Variants in LPAR6 observed in about 807,000 individuals in gnomAD.
LPAR6 encodes G-protein coupled purinergic receptor P2Y5.
In LPAR6, 17 loss-of-function variants were observed where a neutral mutation model predicts 22.0. The ratio of observed to expected loss-of-function variants is 0.77; its 90% confidence interval spans 0.53 to 1.16. LPAR6 has a LOEUF of 1.16. Among genes scored for constraint, LPAR6 ranks in the 50% most tolerant of loss-of-function variants. LPAR6 has a pLI of 0.00. For synonymous variants in LPAR6, 136 were observed against 139.8 expected (o/e 0.97, Z 0.19); for missense variants, 384 against 406.9 (o/e 0.94, Z 0.48).
chr13:48,435,637 C>T (rs1949175708), intron 1 of LPAR6, among the ~76,000 whole-genome samples: 1 of 152,036 alleles, frequency 6.6e-6, no homozygotes, highest in Non-Finnish European at 1.5e-5. Context: ...CTAAGAACTC[C>T]AGATCCTGAA....
chr13:48,409,166 TGAGATAGGATCTTGCTCTG>T (rs1948766984), downstream of LPAR6, among the ~76,000 whole-genome samples: 1 of 150,466 alleles, frequency 6.6e-6, no homozygotes. Context: ...TTTTTTTTTT[TGAGATAGGATCTTGCTCTG>T]TTGTCCATGC....
intron 1 of LPAR6, chr13:48,426,819 G>A (rs900132024): frequency 1.3e-5 from 2 of 152,170 alleles, no homozygotes; most frequent in Non-Finnish European, 2.9e-5. Context: ...CCTGAGACTG[G>A]GTAATTTGTA....
intron 2 of LPAR6, among the ~76,000 whole-genome samples, chr13:48,421,088 C>CA (rs1254546274): frequency 6.6e-6 from 1 of 152,054 alleles, no homozygotes; most frequent in African/African-American, 2.4e-5. Flanking sequence ...CAATCCTAAG[C>CA]AAAAAGAAGA....
At chr13:48,436,071 G>C (rs895165312) in intron 1 of LPAR6, among the ~76,000 whole-genome samples, 1 of 152,170 alleles carries the variant, frequency 6.6e-6, no homozygotes, top group Admixed American at 6.5e-5. Flanking sequence ...ATTAGGTCCT[G>C]GATGGAACTG....
intron 1 of LPAR6, among the ~76,000 whole-genome samples, chr13:48,440,500 T>C (rs1408705271): frequency 6.6e-6 from 1 of 152,188 alleles, no homozygotes; most frequent in Non-Finnish European, 1.5e-5. Context: ...CATAGCCTGA[T>C]GGGCACATGA....
chr13:48,431,286 A>C (rs1264514740), upstream of LPAR6, among the ~76,000 whole-genome samples: 3 of 152,214 alleles, frequency 2.0e-5, no homozygotes, highest in African/African-American at 7.2e-5. Flanking sequence ...CAAAATAAAA[A>C]TGACTATACA....
chr13:48,403,860 T>A (rs1266723947), intron 1 of LPAR6, among the ~76,000 whole-genome samples: 1 of 151,506 alleles, frequency 6.6e-6, no homozygotes, highest in Non-Finnish European at 1.5e-5. Context: ...CCTATGAGAA[T>A]AAAAAAAATG....
chr13:48,403,794 C>G (rs1027649680), intron 1 of LPAR6, among the ~76,000 whole-genome samples: 1 of 151,972 alleles, frequency 6.6e-6, no homozygotes, highest in East Asian at 1.9e-4. Flanking sequence ...ACTTTGTGAG[C>G]AACATTTTAA....
At chr13:48,410,409 T>C (rs1248581391), downstream of LPAR6, among the ~76,000 whole-genome samples, 1 of 152,182 alleles carries the variant, frequency 6.6e-6, no homozygotes, top group East Asian at 1.9e-4. Context: ...GTGTATACCT[T>C]CTAGAGTTGT....
chr13:48,410,773 T>C (rs952779274), downstream of LPAR6, among the ~76,000 whole-genome samples: 1 of 152,144 alleles, frequency 6.6e-6, no homozygotes, highest in African/African-American at 2.4e-5. Context: ...ATCTGCTTTC[T>C]ACAAATTGCC....
At chr13:48,404,946 T>C (rs763448716) in intron 1 of LPAR6, among the ~76,000 whole-genome samples, 8 of 152,210 alleles carry the variant, frequency 5.3e-5, no homozygotes, top group Non-Finnish European at 7.3e-5. Flanking sequence ...ATACTGGATA[T>C]TTTATAACCT....
At chr13:48,409,242 G>T (rs1948768009), downstream of LPAR6, among the ~76,000 whole-genome samples, 1 of 148,656 alleles carries the variant, frequency 6.7e-6, no homozygotes. Flanking sequence ...TGGAACTCCT[G>T]GGCTGAAGGC....
chr13:48,443,740 T>C (rs753245857), intron 1 of LPAR6, among the ~76,000 whole-genome samples: 1 of 152,212 alleles, frequency 6.6e-6, no homozygotes, highest in African/African-American at 2.4e-5. Context: ...AAATGCCTCC[T>C]TAAATTTTCC....
chr13:48,442,531 C>G (rs527321901), intron 1 of LPAR6, among the ~76,000 whole-genome samples: 18 of 152,194 alleles, frequency 1.2e-4, no homozygotes, highest in African/African-American at 4.3e-4. Context: ...TCCTACTGTA[C>G]TTAGGATAAA....
chr13:48,430,265 T>G (rs1251802635), upstream of LPAR6, among the ~76,000 whole-genome samples: 1 of 152,116 alleles, frequency 6.6e-6, no homozygotes, highest in African/African-American at 2.4e-5. Flanking sequence ...GTGGAGAAAA[T>G]TCAGGATAAT....
At chr13:48,432,886 C>T (rs867824231) in intron 1 of LPAR6, among the ~76,000 whole-genome samples, 2 of 152,122 alleles carry the variant, frequency 1.3e-5, no homozygotes, top group Non-Finnish European at 1.5e-5. Flanking sequence ...CCCTACAACT[C>T]TAATAAATCT....
intron 2 of LPAR6, among the ~76,000 whole-genome samples, chr13:48,420,242 C>A (rs946337024): frequency 1.3e-5 from 2 of 152,164 alleles, no homozygotes; most frequent in African/African-American, 4.8e-5. Flanking sequence ...ATATGCAAAT[C>A]AATAAACGTA....
downstream of LPAR6, among the ~76,000 whole-genome samples, chr13:48,409,895 AG>A (rs2138194626): frequency 6.6e-6 from 1 of 152,266 alleles, no homozygotes; most frequent in African/African-American, 2.4e-5. Context: ...TTTTTAAAAA[AG>A]GAATATGTTG....
intron 1 of LPAR6, among the ~76,000 whole-genome samples, chr13:48,435,556 A>G (rs1949174931): frequency 1.3e-5 from 2 of 152,112 alleles, no homozygotes; most frequent in Admixed American, 6.6e-5. Context: ...TTCTCATCCA[A>G]AAGTTTTTAA....
Sources: gnomAD v4.1 joint callset for allele counts (sites outside exome capture counted in the v4.1 genomes callset) on GRCh38, gnomAD v4.1.1 for gene constraint, MANE v1.5 for transcripts, NCBI Gene and HGNC (gene_info 2026-07-23, HGNC 2026-07-21) for gene names.